The following FKBP5 variants were observed in gnomAD, a reference collection of about 807,000 sequenced individuals.
The protein encoded by FKBP5 is FKBP prolyl isomerase 5, also known as peptidyl-prolyl cis-trans isomerase FKBP5.
Under a neutral mutation model 50.5 loss-of-function variants are expected in FKBP5, and 23 were observed. The observed-to-expected ratio is 0.46, with a 90% CI of 0.33 to 0.65. The LOEUF is 0.65. FKBP5 is among the 30% of genes least tolerant of loss of function. The probability of loss-of-function intolerance (pLI) is 0.02; values close to 1 mark genes in which losing one functional copy is unlikely to be tolerated. For missense variants in FKBP5, 411 were observed against 553.1 expected, an observed-to-expected ratio of 0.74 and a Z score of 2.58; for synonymous variants, 176 against 190.6, an observed-to-expected ratio of 0.92 and a Z score of 0.63.
chr6:35,579,921 TAAAA>T lies in FKBP5; in HGVS notation c.1026+111_1026+114del. 3 of 767,178 alleles carry T rather than the reference TAAAA, an allele frequency of 3.9e-6. No homozygotes were observed. The South Asian group carries it at 6.4e-5, about 16-fold the overall frequency. 47.5% of individuals were successfully genotyped at this position (767,178 alleles called of 1,614,324 possible). A position where few individuals can be genotyped will look rare whatever the true frequency, so the allele number is the denominator to read the frequency against. On this transcript the variant is annotated intron_variant, in intron 9 of 10. Transcript: ENST00000357266. The stretch of plus-strand genomic sequence containing the variant: ...AAATAATCCCAAACATTCAAATAAA[TAAAA>T]AAAAGCAAAATGAAAAATCCTGCAA...
intron 2 of FKBP5, among the ~76,000 whole-genome samples, chr6:35,697,313 C>T (rs758693690): frequency 3.3e-5 from 5 of 152,018 alleles, no homozygotes; most frequent in Admixed American, 6.6e-5. Context: ...TTTGGGAGGC[C>T]GAGGCAGACA....
chr6:35,682,865 A>G (rs1169362356), intron 1 of FKBP5, among the ~76,000 whole-genome samples: 1 of 150,792 alleles, frequency 6.6e-6, no homozygotes, highest in Non-Finnish European at 1.5e-5. Context: ...GTTAGCCACC[A>G]CACTTCAGCC....
In FKBP5 at chr6:35,603,148, T is replaced by TATTC. The variant is rs201214033; in HGVS notation, c.509-5748_509-5745dup. On this transcript the variant is annotated intron_variant, in intron 5 of 10. Transcript: ENST00000357266. ...TTAGAGCTTTTAATCTAGCACCTGA[T>TATTC]ATTCATTCATTCATTCATTCATATG... 4.6e-3 allele frequency among the ~76,000 whole-genome samples: 703 copies of TATTC among 152,312 alleles called. 2 individuals are homozygous for TATTC. The highest frequency in any genetic ancestry group is 0.027 in the Middle Eastern group (8 of 294).
intron 1 of FKBP5, among the ~76,000 whole-genome samples, chr6:35,678,911 G>A (rs1214666514): frequency 6.6e-6 from 1 of 152,042 alleles, no homozygotes; most frequent in African/African-American, 2.4e-5. Context: ...GTGAGACTGT[G>A]GCTCTACAAA....
intron 1 of FKBP5, among the ~76,000 whole-genome samples, chr6:35,726,587 A>G (rs183266162): frequency 2.8e-3 from 412 of 146,472 alleles, no homozygotes; most frequent in African/African-American, 9.7e-3. Context: ...CACACAGCTC[A>G]AGGCCTAGAA....
chr6:35,717,910 T>A (rs1377769326), intron 2 of FKBP5, among the ~76,000 whole-genome samples: 1 of 152,118 alleles, frequency 6.6e-6, no homozygotes, highest in East Asian at 1.9e-4. Flanking sequence ...AAGGAAGACA[T>A]CAGTCTCTGA....
intron 1 of FKBP5, among the ~76,000 whole-genome samples, chr6:35,678,884 C>T (rs980263391): frequency 6.6e-6 from 1 of 152,138 alleles, no homozygotes; most frequent in Admixed American, 6.6e-5. Flanking sequence ...GATTTTAAGA[C>T]CAGCTTGAGC....
intron 3 of FKBP5, among the ~76,000 whole-genome samples, chr6:35,623,903 A>G (rs938231185): frequency 6.6e-6 from 1 of 151,978 alleles, no homozygotes; most frequent in Admixed American, 6.6e-5. Flanking sequence ...GTCTTGCTAC[A>G]TTGCCCAGGT....
upstream of FKBP5, among the ~76,000 whole-genome samples, chr6:35,690,338 G>A (rs542439824): frequency 2.6e-5 from 4 of 152,208 alleles, no homozygotes; most frequent in South Asian, 8.3e-4. Flanking sequence ...GCCGGGCATG[G>A]TGGCGCATGC....
At chr6:35,585,522 G>T (rs939223190) in intron 8 of FKBP5, 72 of 985,016 alleles carry the variant, frequency 7.3e-5, no homozygotes, top group Non-Finnish European at 8.0e-5. Context: ...GACCTTAAAT[G>T]ACTAAATCAT....
At position 35,575,624 on chromosome 6, in the gene FKBP5, C is replaced by T; in HGVS notation, c.*211G>A. ...CACACCACAGTCATTTCTGTTTGTTCCACCTGGAGTGGTCCCGTGCCACCC... is the reference window on the plus strand; with the variant it reads ...CACACCACAGTCATTTCTGTTTGTTTCACCTGGAGTGGTCCCGTGCCACCC... On this transcript the variant is annotated 3_prime_UTR_variant, in exon 11 of 11. Coordinates refer to ENST00000357266, the MANE Select transcript of FKBP5 (RefSeq NM_004117.4). The T allele has an allele frequency of 3.7e-6, 2 of 538,028 alleles. No homozygotes were observed. The highest frequency in any genetic ancestry group is 6.7e-6 in the Non-Finnish European group (2 of 297,970). 33.3% of individuals were successfully genotyped at this position (538,028 alleles called of 1,614,324 possible). A position where few individuals can be genotyped will look rare whatever the true frequency, so the allele number is the denominator to read the frequency against.
chr6:35,621,447 G>GT (rs969778998), intron 3 of FKBP5, among the ~76,000 whole-genome samples: 9 of 151,030 alleles, frequency 6.0e-5, no homozygotes, highest in Non-Finnish European at 1.3e-4. Context: ...GTGAAACCCC[G>GT]TCTCTACTAA....
chr6:35,712,895 C>T (rs531715114), intron 2 of FKBP5, among the ~76,000 whole-genome samples: 61 of 151,896 alleles, frequency 4.0e-4, no homozygotes, highest in African/African-American at 1.4e-3. Flanking sequence ...CTGTTCAGGT[C>T]CTGTGGGCAC....
intron 5 of FKBP5, among the ~76,000 whole-genome samples, chr6:35,602,663 A>G (rs1763181073): frequency 6.6e-6 from 1 of 151,958 alleles, no homozygotes; most frequent in Non-Finnish European, 1.5e-5. Flanking sequence ...CAAGAGAAAT[A>G]CTTCCAACAC....
intron 2 of FKBP5, among the ~76,000 whole-genome samples, chr6:35,720,017 C>T (rs1314040816): frequency 6.6e-6 from 1 of 151,226 alleles, no homozygotes. Flanking sequence ...AGGACAGAGT[C>T]ATGTTTTGCT....
intron 5 of FKBP5, among the ~76,000 whole-genome samples, chr6:35,600,294 A>G (rs1002149462): frequency 2.0e-5 from 3 of 152,030 alleles, no homozygotes; most frequent in South Asian, 2.1e-4. Context: ...ACGCACACCT[A>G]TAAGTCCCAG....
chr6:35,597,130 TAATTGTTTCC>T, intron 6 of FKBP5, 108 bp downstream of exon 6: 2 of 1,091,852 alleles, frequency 1.8e-6, no homozygotes, highest in Non-Finnish European at 2.7e-6. Context: ...CAGCCTGATT[TAATTGTTTCC>T]GTTGTTGGAT....
intron 1 of FKBP5, among the ~76,000 whole-genome samples, chr6:35,649,380 T>C (rs1332231692): frequency 1.3e-5 from 2 of 151,866 alleles, no homozygotes; most frequent in Non-Finnish European, 2.9e-5. Flanking sequence ...TTTCTGAAGA[T>C]ACTACTGAGA....
At chr6:35,701,792 C>G (rs113271893) in intron 2 of FKBP5, among the ~76,000 whole-genome samples, 34 of 152,196 alleles carry the variant, frequency 2.2e-4, no homozygotes, top group African/African-American at 8.2e-4. Context: ...CCTCCCACCT[C>G]AGCCTCCCAA....
Sources: gnomAD v4.1 joint callset for allele counts (sites outside exome capture counted in the v4.1 genomes callset) on GRCh38, gnomAD v4.1.1 for gene constraint, MANE v1.5 for transcripts, NCBI Gene and HGNC (gene_info 2026-07-23, HGNC 2026-07-21) for gene names.